The following TPCN2 variants were observed in gnomAD, a reference collection of about 807,000 sequenced individuals.
TPCN2 encodes the protein two pore channel protein 2.
In TPCN2, 92 loss-of-function variants were observed where a neutral mutation model predicts 111.4. The ratio of observed to expected loss-of-function variants is 0.83; its 90% confidence interval spans 0.70 to 0.98. The LOEUF is 0.98. Among genes scored for constraint, TPCN2 ranks in the 50% least tolerant of loss-of-function variants. The pLI is 0.00. For synonymous variants in TPCN2, 405 were observed against 414.5 expected, an observed-to-expected ratio of 0.98 and a Z score of 0.28; for missense variants, 995 against 980.1, an observed-to-expected ratio of 1.02 and a Z score of -0.20.
intron 1 of TPCN2, among the ~76,000 whole-genome samples, chr11:69,052,128 T>C (rs1366653149): frequency 1.3e-5 from 2 of 152,166 alleles, no homozygotes; most frequent in East Asian, 3.9e-4. Flanking sequence ...CCCACCACTG[T>C]TGGCCTGGGA....
At chr11:69,065,379 C>T (rs1215009632) in intron 7 of TPCN2, among the ~76,000 whole-genome samples, 1 of 152,170 alleles carries the variant, frequency 6.6e-6, no homozygotes, top group African/African-American at 2.4e-5. Context: ...CCGGGAAAGC[C>T]GAGTGTCCCA....
intron 13 of TPCN2, among the ~76,000 whole-genome samples, chr11:69,075,882 AC>A (rs1855731196): frequency 6.6e-6 from 1 of 152,154 alleles, no homozygotes. Context: ...GGGAAAATCC[AC>A]CTCACGGGCT....
rs200813347 is a variant in TPCN2 at position 69,072,928 on chromosome 11, A to G, written c.1157A>G (p.Tyr386Cys). ...CTTCCTGTGCAGAAGGTGCGTTCCT[A>G]TGGCAGTGTTCTGCTCTCAGCTGAG... ...KQAMMEKVRS[Y>C]GSVLLSAEEF... Residue 386 changes from tyrosine to cysteine, a missense_variant, in exon 13 of 25, where the codon TAT (tyrosine) becomes TGT (cysteine). Physicochemically the swap from Tyr to Cys is radical, Grantham distance 194. Transcript: ENST00000294309. 2 of 1,613,016 alleles carry G rather than the reference A, an allele frequency of 1.2e-6. No individual in the cohort carries two copies. Among genetic ancestry groups the G allele is most frequent in the Non-Finnish European group, 1.7e-6 (2 of 1,179,074 alleles).
At position 69,054,116 on chromosome 11, in the gene TPCN2, C is replaced by CT; in HGVS notation, c.174+20dup. On this transcript the variant is annotated intron_variant, in intron 2 of 24. Coordinates refer to ENST00000294309, the MANE Select transcript of TPCN2 (RefSeq NM_139075.4). ...TATTCAGGTCGGTGGCACCTGCTCC[C>CT]TGTGGCCGGGCCTGGGGGGTGGCCG... 1.2e-6 allele frequency: 2 copies of CT among 1,610,346 alleles called. No homozygotes were observed. Among genetic ancestry groups the CT allele is most frequent in the Non-Finnish European group, 1.7e-6 (2 of 1,178,704 alleles).
intron 6 of TPCN2, among the ~76,000 whole-genome samples, chr11:69,063,240 A>G (rs1409935896): frequency 6.6e-6 from 1 of 151,534 alleles, no homozygotes; most frequent in Admixed American, 6.6e-5. Context: ...CCCCAGCTCG[A>G]AGGCTGCTGA....
chr11:69,087,213 G>A lies in TPCN2; in HGVS notation c.2180+7G>A. ...CTGTGGAGCTCCTGTTCAGGTGTGTGGGTGGGGAAGGCGCTTCTGTCTGGC... is the reference window on the plus strand; with the variant it reads ...CTGTGGAGCTCCTGTTCAGGTGTGTAGGTGGGGAAGGCGCTTCTGTCTGGC... On this transcript the variant is annotated splice_region_variant and intron_variant, in intron 24 of 24. Coordinates refer to ENST00000294309, the MANE Select transcript of TPCN2 (RefSeq NM_139075.4). 6.2e-7 allele frequency: 1 copy of A among 1,613,070 alleles called. No individual in the cohort carries two copies. The highest frequency in any genetic ancestry group is 1.1e-5 in the South Asian group (1 of 91,012).
intron 4 of TPCN2, 45 bp downstream of exon 4, chr11:69,055,397 G>T (rs761077360): frequency 6.6e-7 from 1 of 1,520,012 alleles, no homozygotes. Context: ...CGGCCTCCCA[G>T]CGCCTGGCCG....
At chr11:69,066,070 C>T (rs982524802) in intron 7 of TPCN2, among the ~76,000 whole-genome samples, 3 of 152,098 alleles carry the variant, frequency 2.0e-5, no homozygotes, top group Non-Finnish European at 4.4e-5. Flanking sequence ...TCTGTCGGCT[C>T]TATGGACCTC....
At chr11:69,075,535 G>A (rs6591370) in intron 13 of TPCN2, among the ~76,000 whole-genome samples, 21,969 of 152,212 alleles carry the variant, frequency 0.14, 2,022 homozygotes, top group South Asian at 0.21. Context: ...GTCTGCGGAC[G>A]CAGAGCCCGC....
Position 69,089,424 on chromosome 11 carries a change from C to T in TPCN2, c.*1471C>T, listed in dbSNP as rs1249371911. Reference sequence around the variant, plus strand: ...CATGTCAGGAGTGAGTCGCACGTGGCTTTGTGGTCATGGCGACTTAATCCG... The same window carrying T: ...CATGTCAGGAGTGAGTCGCACGTGGTTTTGTGGTCATGGCGACTTAATCCG... On this transcript the variant is annotated 3_prime_UTR_variant, in exon 25 of 25. Transcript: ENST00000294309. The T allele has an allele frequency of 6.6e-6, 1 of 152,230 alleles. No homozygotes were observed. The highest frequency in any genetic ancestry group is 1.5e-5 in the Non-Finnish European group (1 of 68,050). 9.4% of individuals were successfully genotyped at this position (152,230 alleles called of 1,614,324 possible).
intron 16 of TPCN2, 37 bp downstream of exon 16, chr11:69,079,057 C>G (rs768278676): frequency 1.3e-6 from 2 of 1,575,022 alleles, no homozygotes; most frequent in Admixed American, 3.5e-5. Context: ...CTCTACTGGG[C>G]GGGTGGGTGA....
At chr11:69,061,272 C>T (rs1855009988) in intron 5 of TPCN2, among the ~76,000 whole-genome samples, 2 of 152,144 alleles carry the variant, frequency 1.3e-5, no homozygotes, top group Admixed American at 1.3e-4. Context: ...ACACTGGCAG[C>T]TTGAGGGCCG....
intron 3 of TPCN2, 45 bp downstream of exon 3, chr11:69,054,842 G>A: frequency 3.8e-6 from 6 of 1,588,594 alleles, no homozygotes; most frequent in Non-Finnish European, 5.2e-6. Flanking sequence ...GCCGGCTTGC[G>A]TGGCAGGGGA....
Position 69,057,700 on chromosome 11 carries a change from T to C in TPCN2, c.546+6T>C, listed in dbSNP as rs1213523956. On this transcript the variant is annotated splice_donor_region_variant and intron_variant, in intron 5 of 24. Coordinates refer to ENST00000294309, the MANE Select transcript of TPCN2 (RefSeq NM_139075.4). ...TGAGTCTCGTGTGTCATGAGGTAGG[T>C]GGTGAGGCAGCCCTGAGACAGATGG... is the stretch of plus-strand genomic sequence containing the variant. 24 of 1,612,828 alleles carry C rather than the reference T, an allele frequency of 1.5e-5. No individual in the cohort carries two copies. The highest frequency in any genetic ancestry group is 2.0e-5 in the Non-Finnish European group (23 of 1,178,996).
At chr11:69,058,561 A>G (rs969546500) in intron 5 of TPCN2, among the ~76,000 whole-genome samples, 5 of 152,324 alleles carry the variant, frequency 3.3e-5, no homozygotes, top group Non-Finnish European at 7.3e-5. Context: ...GCTGATAGGA[A>G]CAGCCTAGTG....
chr11:69,087,782 T>G (rs1349734752), intron 24 of TPCN2, 93 bp from the exon 25 acceptor site: 2 of 960,030 alleles, frequency 2.1e-6, no homozygotes, highest in Admixed American at 4.8e-5. Flanking sequence ...TCACTTCGCA[T>G]GTGTTGCTAA....
intron 5 of TPCN2, among the ~76,000 whole-genome samples, chr11:69,060,270 T>A (rs1205473938): frequency 6.6e-6 from 1 of 152,206 alleles, no homozygotes; most frequent in Non-Finnish European, 1.5e-5. Context: ...TGCAGCGCTT[T>A]CTTGATGGAG....
intron 18 of TPCN2, among the ~76,000 whole-genome samples, chr11:69,082,582 A>C (rs982842952): frequency 6.6e-6 from 1 of 151,958 alleles, no homozygotes; most frequent in Admixed American, 6.5e-5. Flanking sequence ...GTGTGTGCAC[A>C]CATCGCATGC....
chr11:69,061,906 G>A (rs1855037743), intron 5 of TPCN2, among the ~76,000 whole-genome samples: 1 of 152,032 alleles, frequency 6.6e-6, no homozygotes. Flanking sequence ...AGGAAGGCAG[G>A]GAAGATGGGG....
Sources: gnomAD v4.1 joint callset for allele counts (sites outside exome capture counted in the v4.1 genomes callset) on GRCh38, gnomAD v4.1.1 for gene constraint, MANE v1.5 for transcripts, NCBI Gene and HGNC (gene_info 2026-07-23, HGNC 2026-07-21) for gene names.